The following RBFOX1 variants were observed in gnomAD, a reference collection of about 807,000 sequenced individuals.
RBFOX1 encodes RNA binding protein fox-1 homolog 1.
In RBFOX1, 8 loss-of-function variants were observed where a neutral mutation model predicts 57.7. The observed-to-expected ratio is 0.14, with a 90% CI of 0.08 to 0.25. The LOEUF (loss-of-function observed/expected upper bound fraction) is 0.25. Among genes scored for constraint, RBFOX1 ranks in the 10% least tolerant of loss-of-function variants. RBFOX1 has a pLI of 1.00. For missense variants in RBFOX1, 611 were observed against 548.5 expected, an observed-to-expected ratio of 1.11 and a Z score of -1.14; for synonymous variants, 326 against 222.4, an observed-to-expected ratio of 1.47 and a Z score of -4.15.
intron 3 of RBFOX1, among the ~76,000 whole-genome samples, chr16:6,767,961 AGAAGAAG>A (rs2077640823): frequency 8.1e-6 from 1 of 123,554 alleles, no homozygotes; most frequent in South Asian, 2.6e-4. Context: ...AAGAAGAAGA[AGAAGAAG>A]AAGAAGAAGA....
Position 6,244,920 on chromosome 16 carries a change from AGTTTTGTTTTGTTTT to A in RBFOX1, c.-126-72049_-126-72035del, listed in dbSNP as rs55870313. ...GTGTCCTTTGGCAAACTGAATACCC[AGTTTTGTTTTGTTTT>A]GTTTTGTTTTGTTTTGTTTTGTTTT... On this transcript the variant is annotated intron_variant, in intron 1 of 15. Coordinates refer to ENST00000550418, the MANE Select transcript of RBFOX1 (RefSeq NM_018723.4). Among the ~76,000 whole-genome samples, 912 of 150,192 alleles carry A rather than the reference AGTTTTGTTTTGTTTT, an allele frequency of 6.1e-3. 8 individuals are homozygous for A. The highest frequency in any genetic ancestry group is 0.021 in the African/African-American group (843 of 41,098).
rs553714405 is a variant in RBFOX1, at chr16:6,932,265, G to T, written c.-15-119792G>T. Among the ~76,000 whole-genome samples the T allele has an allele frequency of 6.8e-4, 103 of 152,064 alleles. 1 individual carries two copies. The highest frequency in any genetic ancestry group is 2.4e-3 in the African/African-American group (101 of 41,504). On this transcript the variant is annotated intron_variant, in intron 3 of 15. Transcript: ENST00000550418. ...ATTACAGGCATGCACCACCACACCT[G>T]GCTAATTTTTTTTGAATTTTCAGTA... is the stretch of plus-strand genomic sequence containing the variant.
chr16:7,023,564 T>TACAAA (rs2039953700), intron 3 of RBFOX1, among the ~76,000 whole-genome samples: 1 of 43,916 alleles, frequency 2.3e-5, no homozygotes, highest in African/African-American at 8.9e-5. Context: ...TCGTCTGTAC[T>TACAAA]AAAAAAAAAA....
At chr16:7,459,277 T>C (rs2059118231) in intron 4 of RBFOX1, among the ~76,000 whole-genome samples, 1 of 152,200 alleles carries the variant, frequency 6.6e-6, no homozygotes, top group Non-Finnish European at 1.5e-5. Flanking sequence ...TACCAACAAT[T>C]ATTATGTTTT....
At chr16:5,495,717 A>C (rs2151682788) in intron 2 of RBFOX1, among the ~76,000 whole-genome samples, 1 of 152,356 alleles carries the variant, frequency 6.6e-6, no homozygotes, top group African/African-American at 2.4e-5. Flanking sequence ...CATCAGTACC[A>C]GGACAGATCC....
intron 4 of RBFOX1, among the ~76,000 whole-genome samples, chr16:7,315,518 G>T (rs2096417795): frequency 6.6e-6 from 1 of 150,432 alleles, no homozygotes; most frequent in Non-Finnish European, 1.5e-5. Flanking sequence ...TAGCTATCTG[G>T]TTCTTATTAA....
rs189909740 is a variant in RBFOX1 at position 7,152,209 on chromosome 16, A to C, written c.27+100111A>C. Among the ~76,000 whole-genome samples the C allele has an allele frequency of 3.9e-5, 6 of 152,302 alleles. No individual in the cohort carries two copies. In the East Asian group the frequency reaches 1.2e-3, roughly 29 times the overall value. On this transcript the variant is annotated intron_variant, in intron 4 of 15. Coordinates refer to ENST00000550418, the MANE Select transcript of RBFOX1 (RefSeq NM_018723.4). ...AGAAGGAGAGTGAATTTTGATTTCCAGTCTATACCATGCGTCCATAGCGGT... is the reference window on the plus strand; with the variant it reads ...AGAAGGAGAGTGAATTTTGATTTCCCGTCTATACCATGCGTCCATAGCGGT...
chr16:6,323,181 C>A (rs1007891974), intron 2 of RBFOX1, among the ~76,000 whole-genome samples: 2 of 152,172 alleles, frequency 1.3e-5, no homozygotes, highest in African/African-American at 4.8e-5. Context: ...CCTTCTGCTT[C>A]TTTATTGTTA....
chr16:6,649,825 C>G (rs967210141), intron 2 of RBFOX1, among the ~76,000 whole-genome samples: 4 of 151,900 alleles, frequency 2.6e-5, no homozygotes, highest in Non-Finnish European at 4.4e-5. Context: ...GGTAAGTTTT[C>G]TGTTATATAT....
At chr16:6,530,244 G>C (rs937059254) in intron 2 of RBFOX1, among the ~76,000 whole-genome samples, 3 of 152,086 alleles carry the variant, frequency 2.0e-5, no homozygotes, top group African/African-American at 7.2e-5. Context: ...GGGGCAGGAA[G>C]AAGCGGCAAA....
intron 1 of RBFOX1, among the ~76,000 whole-genome samples, chr16:6,160,140 G>A (rs1326725383): frequency 6.6e-6 from 1 of 152,206 alleles, no homozygotes; most frequent in Non-Finnish European, 1.5e-5. Context: ...ATAAGGTAAT[G>A]TGTACCTGCA....
chr16:7,175,209 C>T (rs1244524451), intron 4 of RBFOX1, among the ~76,000 whole-genome samples: 1 of 151,954 alleles, frequency 6.6e-6, no homozygotes, highest in East Asian at 1.9e-4. Flanking sequence ...TCCACCCCAG[C>T]CCCCAATAGG....
chr16:5,277,325 A>T (rs1437694670), intron 1 of RBFOX1, among the ~76,000 whole-genome samples: 1 of 152,088 alleles, frequency 6.6e-6, no homozygotes, highest in Non-Finnish European at 1.5e-5. Context: ...AGGGGGTGAG[A>T]GATAAAAGAC....
chr16:6,443,533 C>T (rs113523636), intron 2 of RBFOX1, among the ~76,000 whole-genome samples: 280 of 152,230 alleles, frequency 1.8e-3, no homozygotes, highest in African/African-American at 6.3e-3. Flanking sequence ...TGAGCAGGAG[C>T]CTTAACAATA....
intron 2 of RBFOX1, among the ~76,000 whole-genome samples, chr16:6,512,410 G>C (rs997423413): frequency 1.3e-5 from 2 of 152,010 alleles, no homozygotes; most frequent in South Asian, 2.1e-4. Flanking sequence ...GGTAGGATAG[G>C]GAATGCGTTG....
At chr16:7,542,922 C>T (rs1374262166) in intron 5 of RBFOX1, among the ~76,000 whole-genome samples, 1 of 151,928 alleles carries the variant, frequency 6.6e-6, no homozygotes, top group Non-Finnish European at 1.5e-5. Context: ...ACACCACCAC[C>T]ACCCCACACA....
intron 4 of RBFOX1, among the ~76,000 whole-genome samples, chr16:5,882,225 C>T (rs867803507): frequency 6.6e-6 from 1 of 152,120 alleles, no homozygotes; most frequent in Non-Finnish European, 1.5e-5. Flanking sequence ...TTCCTCGTAG[C>T]TATGTCAGAG....
intron 3 of RBFOX1, among the ~76,000 whole-genome samples, chr16:5,794,964 C>G (rs901188608): frequency 2.0e-5 from 3 of 152,224 alleles, no homozygotes; most frequent in East Asian, 1.9e-4. Flanking sequence ...TCTCATCTCA[C>G]TGGGTCTTGA....
At position 7,084,918 on chromosome 16, in the gene RBFOX1, C is replaced by G. The variant is rs1211140416; in HGVS notation, c.27+32820C>G. 2.0e-5 allele frequency among the ~76,000 whole-genome samples: 3 copies of G among 152,154 alleles called. No homozygotes were observed. The East Asian group carries it at 5.8e-4, about 29-fold the overall frequency. On this transcript the variant is annotated intron_variant, in intron 4 of 15. Coordinates refer to ENST00000550418, the MANE Select transcript of RBFOX1 (RefSeq NM_018723.4). ...TTTGTCCAACCAGCCATTCAGCCAT[C>G]CATCCATTTGTCCATCCATGCATCT...
Sources: allele counts gnomAD v4.1 joint callset (sites outside exome capture counted in the v4.1 genomes callset), GRCh38; gene constraint gnomAD v4.1.1; transcripts MANE v1.5; gene names NCBI Gene and HGNC (gene_info 2026-07-23, HGNC 2026-07-21).